Variants in NRG3 observed in about 807,000 individuals in gnomAD.
The protein encoded by NRG3 is pro-neuregulin-3, membrane-bound isoform.
Under a neutral mutation model 66.9 loss-of-function variants are expected in NRG3, and 31 were observed. The ratio of observed to expected loss-of-function variants is 0.46; its 90% CI spans 0.35 to 0.63. NRG3 has a LOEUF of 0.63. Ranked by LOEUF, NRG3 falls within the 20% of genes least tolerant of loss-of-function variation. The pLI is 0.00. For synonymous variants in NRG3, 393 were observed against 359.4 expected, an observed-to-expected ratio of 1.09 and a Z score of -1.06; for missense variants, 910 against 878.9, an observed-to-expected ratio of 1.04 and a Z score of -0.45.
chr10:82,101,104 A>G (rs548211800), intron 1 of NRG3, among the ~76,000 whole-genome samples: 4 of 151,982 alleles, frequency 2.6e-5, no homozygotes, highest in Admixed American at 2.6e-4. Context: ...TTTCCTCTAT[A>G]GACACAGACA....
chr10:82,199,706 GGAGCACT>G (rs1334848418), intron 1 of NRG3, among the ~76,000 whole-genome samples: 1 of 152,084 alleles, frequency 6.6e-6, no homozygotes, highest in Admixed American at 6.5e-5. Context: ...ATCAATATTT[GGAGCACT>G]GCCTATAAAA....
At chr10:81,888,815 A>G (rs1842805725) in intron 1 of NRG3, among the ~76,000 whole-genome samples, 1 of 152,158 alleles carries the variant, frequency 6.6e-6, no homozygotes, top group Non-Finnish European at 1.5e-5. Context: ...AGGAAGTGAT[A>G]CAATATCTGT....
At chr10:82,265,174 T>G (rs2078232197) in intron 1 of NRG3, among the ~76,000 whole-genome samples, 1 of 152,176 alleles carries the variant, frequency 6.6e-6, no homozygotes, top group Non-Finnish European at 1.5e-5. Context: ...AGAACTCACT[T>G]GAGGGCTCTA....
At chr10:82,824,864 G>A (rs1203199557) in intron 3 of NRG3, among the ~76,000 whole-genome samples, 3 of 151,820 alleles carry the variant, frequency 2.0e-5, no homozygotes, top group Non-Finnish European at 4.4e-5. Flanking sequence ...ATACAGGTGT[G>A]CACGACCATG....
At chr10:81,906,598 T>G (rs1235296058) in intron 1 of NRG3, among the ~76,000 whole-genome samples, 3 of 152,040 alleles carry the variant, frequency 2.0e-5, no homozygotes, top group Non-Finnish European at 4.4e-5. Flanking sequence ...TGGAGCGAAG[T>G]GGGCTGGCAA....
chr10:82,460,079 A>G (rs2091443615), intron 2 of NRG3, among the ~76,000 whole-genome samples: 1 of 152,090 alleles, frequency 6.6e-6, no homozygotes, highest in South Asian at 2.1e-4. Context: ...TGCTGCCTAC[A>G]CAATCTCACT....
At chr10:82,020,234 C>T (rs2061999124) in intron 1 of NRG3, among the ~76,000 whole-genome samples, 1 of 152,100 alleles carries the variant, frequency 6.6e-6, no homozygotes, top group Admixed American at 6.6e-5. Context: ...ATGTGGCTTG[C>T]AATTTACTTT....
chr10:81,907,579 G>A (rs564490830), intron 1 of NRG3, among the ~76,000 whole-genome samples: 65 of 152,208 alleles, frequency 4.3e-4, no homozygotes, highest in Non-Finnish European at 7.8e-4. Context: ...AGAGAAAAAA[G>A]ATCTCTACTG....
intron 2 of NRG3, among the ~76,000 whole-genome samples, chr10:82,565,802 G>A (rs1311907968): frequency 6.6e-6 from 1 of 152,044 alleles, no homozygotes; most frequent in Admixed American, 6.6e-5. Flanking sequence ...AGCGTTGGAA[G>A]GTATGTAATT....
At chr10:82,740,048 T>C (rs1278799265) in intron 3 of NRG3, among the ~76,000 whole-genome samples, 1 of 151,852 alleles carries the variant, frequency 6.6e-6, no homozygotes, top group Non-Finnish European at 1.5e-5. Flanking sequence ...GTTTTTCTCT[T>C]TTTCTTTCTC....
At chr10:82,295,995 G>A (rs2080038179) in intron 1 of NRG3, among the ~76,000 whole-genome samples, 1 of 152,116 alleles carries the variant, frequency 6.6e-6, no homozygotes, top group African/African-American at 2.4e-5. Flanking sequence ...AGAGATCCTG[G>A]TGCAGTCTAT....
chr10:82,242,307 G>T (rs1198669330), intron 1 of NRG3, among the ~76,000 whole-genome samples: 1 of 152,146 alleles, frequency 6.6e-6, no homozygotes, highest in African/African-American at 2.4e-5. Flanking sequence ...CTTTGCAAAA[G>T]ATGGTGTCTA....
intron 1 of NRG3, among the ~76,000 whole-genome samples, chr10:82,322,662 A>C (rs1234361211): frequency 6.6e-6 from 1 of 152,178 alleles, no homozygotes; most frequent in African/African-American, 2.4e-5. Context: ...CATACAGGTA[A>C]AGTGTAATCA....
rs112782181 is a variant in NRG3, at chr10:82,959,066, G to C, written c.1275G>C (p.Gln425His). ...AGAACTTGGTGAAGAGCCATGTCCA[G>C]CTGCAAAATGTAAGTGACATGTCTA... ...KSENLVKSHVQLQNYSKVERH... is the reference protein window; with the variant it reads ...KSENLVKSHVHLQNYSKVERH... The change falls in exon 6 of 9, where the codon CAG (glutamine) becomes CAC (histidine). Residue 425 changes from glutamine to histidine, a missense_variant. By Grantham distance (24) the Gln-to-His change is conservative. Coordinates refer to ENST00000372141, the MANE Select transcript of NRG3 (RefSeq NM_001010848.4). The C allele has an allele frequency of 6.3e-7, 1 of 1,598,288 alleles. No individual in the cohort carries two copies. Among genetic ancestry groups the C allele is most frequent in the Non-Finnish European group, 8.5e-7 (1 of 1,174,754 alleles).
chr10:81,943,975 T>C (rs907606784), intron 1 of NRG3, among the ~76,000 whole-genome samples: 6 of 152,140 alleles, frequency 3.9e-5, no homozygotes, highest in Non-Finnish European at 5.9e-5. Flanking sequence ...AGAACGTGAT[T>C]GCAGGTGCAG....
intron 2 of NRG3, among the ~76,000 whole-genome samples, chr10:82,576,220 G>GT (rs1280398330): frequency 6.6e-6 from 1 of 151,488 alleles, no homozygotes; most frequent in Non-Finnish European, 1.5e-5. Flanking sequence ...TTTGCTGGAT[G>GT]TTTTTATATT....
At chr10:81,913,482 G>A (rs191010666) in intron 1 of NRG3, among the ~76,000 whole-genome samples, 28 of 151,774 alleles carry the variant, frequency 1.8e-4, no homozygotes, top group Non-Finnish European at 3.4e-4. Flanking sequence ...GGAGTGCAGT[G>A]GTGTGTTCTC....
At position 82,602,982 on chromosome 10, in the gene NRG3, G is replaced by A. The variant is rs189610294; in HGVS notation, c.954-135595G>A. 1.5e-3 allele frequency among the ~76,000 whole-genome samples: 228 copies of A among 152,288 alleles called. 1 individual carries two copies. Among genetic ancestry groups the A allele is most frequent in the South Asian group, 2.1e-3 (10 of 4,822 alleles). The stretch of plus-strand genomic sequence containing the variant: ...ATAAGTTAAAAAGTTGAAAATTTGA[G>A]TTGATGAATAAGAAGTAGAAGGGCA... On this transcript the variant is annotated intron_variant, in intron 2 of 8. Coordinates refer to ENST00000372141, the MANE Select transcript of NRG3 (RefSeq NM_001010848.4).
chr10:82,788,383 A>C (rs1426800718), intron 3 of NRG3, among the ~76,000 whole-genome samples: 1 of 152,194 alleles, frequency 6.6e-6, no homozygotes, highest in African/African-American at 2.4e-5. Context: ...TAGCCTCACC[A>C]ACATGGTGAA....
Sources: gnomAD v4.1 joint callset for allele counts (sites outside exome capture counted in the v4.1 genomes callset) on GRCh38, gnomAD v4.1.1 for gene constraint, MANE v1.5 for transcripts, NCBI Gene and HGNC (gene_info 2026-07-23, HGNC 2026-07-21) for gene names.